Variants in PTPRS observed in about 807,000 individuals in gnomAD.
PTPRS encodes protein tyrosine phosphatase receptor type S.
In PTPRS, 63 loss-of-function variants were observed where a neutral mutation model predicts 215.3. The ratio of observed to expected loss-of-function variants is 0.29; its 90% CI spans 0.24 to 0.36. The LOEUF is 0.36. Among genes scored for constraint, PTPRS ranks in the 10% least tolerant of loss-of-function variants. The pLI is 1.00. For synonymous variants in PTPRS, 1,404 were observed against 1,191.4 expected (o/e 1.18, Z -3.68); for missense variants, 2,258 against 2,825.8 (o/e 0.80, Z 4.56).
intron 1 of PTPRS, among the ~76,000 whole-genome samples, chr19:5,301,048 T>C (rs1385256987): frequency 6.6e-6 from 1 of 152,192 alleles, no homozygotes; most frequent in Admixed American, 6.5e-5. Context: ...AAAGCCACAT[T>C]GCTGGGCTTT....
chr19:5,339,040 T>A lies in PTPRS; in HGVS notation c.-95+1624A>T, dbSNP rs1214372952. Among the ~76,000 whole-genome samples the A allele has an allele frequency of 6.6e-6, 1 of 152,156 alleles. No individual in the cohort carries two copies. The highest frequency in any genetic ancestry group is 1.5e-5 in the Non-Finnish European group (1 of 68,020). On this transcript the variant is annotated intron_variant, in intron 1 of 37. Transcript: ENST00000262963. The surrounding 1 kb of genome is among the most constrained non-coding windows in gnomAD (Gnocchi z 4.2). The stretch of plus-strand genomic sequence containing the variant: ...ACCCTAGGGGTCTCTTCCTGCCTCC[T>A]CCGGCTTCTAGGTATCATCCCTGCT...
At chr19:5,238,220 G>A (rs1242634177) in intron 13 of PTPRS, among the ~76,000 whole-genome samples, 1 of 152,160 alleles carries the variant, frequency 6.6e-6, no homozygotes, top group Non-Finnish European at 1.5e-5. Context: ...AAGTCAGGGA[G>A]AGAGGGTGGC....
chr19:5,239,102 AG>A, intron 12 of PTPRS, 39 bp from the exon 13 acceptor site: 1 of 1,160,140 alleles, frequency 8.6e-7, no homozygotes, highest in Admixed American at 2.5e-5. Context: ...GGGATGGGGG[AG>A]AGAGAGAGAG....
chr19:5,224,177 T>TTAAAAA (rs3042395), intron 17 of PTPRS, among the ~76,000 whole-genome samples: 127,673 of 151,032 alleles, frequency 0.85, 54,464 homozygotes, highest in African/African-American at 0.96. Flanking sequence ...AGACTCCGTC[T>TTAAAAA]TAAAAATAAA....
At chr19:5,252,164 G>A (rs35762452) in intron 9 of PTPRS, among the ~76,000 whole-genome samples, 9,129 of 152,264 alleles carry the variant, frequency 0.06, 327 homozygotes, top group Non-Finnish European at 0.078. Context: ...GGCCTTGCTG[G>A]TGTCACGCAG....
chr19:5,285,529 C>T (rs2048274726), intron 2 of PTPRS, among the ~76,000 whole-genome samples: 1 of 152,246 alleles, frequency 6.6e-6, no homozygotes, highest in Non-Finnish European at 1.5e-5. Context: ...GTCCCAATGC[C>T]CTTTTTCCCA....
At chr19:5,285,711 T>C (rs1030112467) in intron 2 of PTPRS, among the ~76,000 whole-genome samples, 5 of 152,200 alleles carry the variant, frequency 3.3e-5, no homozygotes, top group African/African-American at 9.7e-5. Flanking sequence ...GTAACAGAAC[T>C]GGCACACTGG....
rs998568805 is a variant in PTPRS at position 5,205,659 on chromosome 19, C to T, written c.*1115G>A. 1.3e-5 allele frequency among the ~76,000 whole-genome samples: 2 copies of T among 152,172 alleles called. No individual in the cohort carries two copies. Among genetic ancestry groups the T allele is most frequent in the Admixed American group, 6.5e-5 (1 of 15,274 alleles). Reference sequence around the variant, plus strand: ...GAACAACTCGCTTGCTCAGGGTAGGCGGGTAGAGGGGGGCCTGTCCTTCTG... The same window carrying T: ...GAACAACTCGCTTGCTCAGGGTAGGTGGGTAGAGGGGGGCCTGTCCTTCTG... On this transcript the variant is annotated 3_prime_UTR_variant, in exon 38 of 38. Coordinates refer to ENST00000262963, the MANE Select transcript of PTPRS (RefSeq NM_002850.4).
At position 5,211,759 on chromosome 19, in the gene PTPRS, T is replaced by C; in HGVS notation, c.5065A>G (p.Asn1689Asp). 1 of 1,612,064 alleles carries C rather than the reference T, an allele frequency of 6.2e-7. No individual in the cohort carries two copies. The highest frequency in any genetic ancestry group is 8.5e-7 in the Non-Finnish European group (1 of 1,178,412). Residue 1689 changes from asparagine to aspartate, a missense_variant, in exon 33 of 38, where the codon AAC becomes GAC. Physicochemically the swap from Asn to Asp is conservative, Grantham distance 23. Coordinates refer to ENST00000262963, the MANE Select transcript of PTPRS (RefSeq NM_002850.4). ...GMELEFKRLA[N>D]SKAHTSRFIS... ...AAGCGTGACGTGTGGGCCTTGGAGT[T>C]AGCCAGCCGCTGTGGGGAGGAGGAA...
At chr19:5,290,307 C>T (rs1170291187) in intron 1 of PTPRS, among the ~76,000 whole-genome samples, 1 of 152,226 alleles carries the variant, frequency 6.6e-6, no homozygotes, top group Non-Finnish European at 1.5e-5. Flanking sequence ...GGACTTGGGT[C>T]TAGAGCCCAC....
chr19:5,324,965 G>A (rs17697585), intron 1 of PTPRS, among the ~76,000 whole-genome samples: 4,125 of 152,300 alleles, frequency 0.027, 183 homozygotes, highest in South Asian at 0.17. Context: ...TTCTGCCACC[G>A]TTTGGATCCA....
At chr19:5,240,140 C>A (rs778346405) in intron 12 of PTPRS, 59 bp downstream of exon 12, 64 of 1,435,892 alleles carry the variant, frequency 4.5e-5, no homozygotes, top group Non-Finnish European at 1.7e-5. Context: ...AGGCGGGCAG[C>A]GTCAGAGAGC....
intron 1 of PTPRS, among the ~76,000 whole-genome samples, chr19:5,334,071 T>G (rs1299141198): frequency 6.6e-6 from 1 of 151,630 alleles, no homozygotes; most frequent in Non-Finnish European, 1.5e-5. Context: ...GGCAGCCACG[T>G]GTCCTCCCTG....
intron 1 of PTPRS, 144 bp from the exon 2 acceptor site, chr19:5,286,378 T>C (rs896289655): frequency 5.5e-6 from 3 of 544,440 alleles, no homozygotes; most frequent in African/African-American, 1.9e-5. Context: ...CATGGGGTGA[T>C]GGGATGGAAT....
chr19:5,271,230 T>C (rs1179537633), intron 4 of PTPRS, among the ~76,000 whole-genome samples: 1 of 152,146 alleles, frequency 6.6e-6, no homozygotes, highest in African/African-American at 2.4e-5. Flanking sequence ...TGCAGAAGGA[T>C]TGGTAACAAG....
intron 1 of PTPRS, among the ~76,000 whole-genome samples, chr19:5,289,608 C>A (rs562401109): frequency 3.9e-5 from 6 of 152,182 alleles, no homozygotes; most frequent in African/African-American, 1.4e-4. Flanking sequence ...CCTCCCTCTG[C>A]TCCAGCCGCA....
At chr19:5,238,856 G>A (rs1465424455) in intron 13 of PTPRS, 63 bp downstream of exon 13, 9 of 1,492,030 alleles carry the variant, frequency 6.0e-6, no homozygotes, top group Non-Finnish European at 8.0e-6. Context: ...GTCTGCCGAG[G>A]GGCTGTCTGC....
intron 2 of PTPRS, among the ~76,000 whole-genome samples, chr19:5,283,306 A>C (rs980105858): frequency 5.9e-5 from 9 of 151,964 alleles, no homozygotes; most frequent in African/African-American, 2.2e-4. Flanking sequence ...CTGTCACACC[A>C]GCACTTTCGC....
Position 5,221,067 on chromosome 19 carries a change from G to A in PTPRS, c.3388C>T (p.Pro1130Ser), listed in dbSNP as rs1209240784. ...ATGAAGCCGTCAGCATCAGGCTTGG[G>A]GGCGACGCTGGGCTTGCCGTTGAGC... ...NLLNGKPSVA[P>S]KPDADGFIMV... The change falls in exon 20 of 38, where the codon CCC (proline) becomes TCC (serine). Residue 1130 changes from proline (P) to serine (S), a missense_variant. By Grantham distance (74) the Pro-to-Ser change is moderately conservative. Around this residue, in one of 6 missense-constraint regions of PTPRS, gnomAD observed 927 missense variants for 1,125.9 expected, o/e 0.82. Transcript: ENST00000262963. The A allele has an allele frequency of 6.2e-7, 1 of 1,613,898 alleles. No homozygotes were observed. Among genetic ancestry groups the A allele is most frequent in the Non-Finnish European group, 8.5e-7 (1 of 1,180,006 alleles).
Sources: allele counts gnomAD v4.1 joint callset (sites outside exome capture counted in the v4.1 genomes callset), GRCh38; gene constraint gnomAD v4.1.1; regional missense constraint gnomAD v4.1.1; non-coding constraint Gnocchi (gnomAD v3.1); transcripts MANE v1.5; gene names NCBI Gene and HGNC (gene_info 2026-07-23, HGNC 2026-07-21).